The following LANCL1 variants were observed in gnomAD, a reference collection of about 807,000 sequenced individuals.
The protein encoded by LANCL1 is glutathione S-transferase LANCL1.
A neutral mutation model predicts 50.6 loss-of-function variants in LANCL1; 50 were observed. The ratio of observed to expected loss-of-function variants is 0.99; its 90% confidence interval spans 0.79 to 1.25. The LOEUF is 1.25. Ranked by LOEUF, LANCL1 falls within the 50% of genes most tolerant of loss-of-function variation. LANCL1 has a pLI of 0.00. For missense variants in LANCL1, 532 were observed against 480.7 expected (o/e 1.11, Z -1.00); for synonymous variants, 188 against 178.6 (o/e 1.05, Z -0.42).
intron 4 of LANCL1, among the ~76,000 whole-genome samples, chr2:210,452,370 C>T (rs1693536364): frequency 1.3e-5 from 2 of 152,098 alleles, no homozygotes; most frequent in African/African-American, 4.8e-5. Context: ...GGTTAGCCAT[C>T]TAATTGGGAA....
At chr2:210,475,120 A>G (rs926462280) in intron 2 of LANCL1, among the ~76,000 whole-genome samples, 2 of 152,188 alleles carry the variant, frequency 1.3e-5, no homozygotes, top group African/African-American at 4.8e-5. Context: ...TCCTACCTGC[A>G]TTACTGACCC....
chr2:210,455,133 C>T lies in LANCL1; in HGVS notation c.381G>A (p.Glu127=). 1 of 1,613,600 alleles carries T rather than the reference C, an allele frequency of 6.2e-7. No homozygotes were observed. Among genetic ancestry groups the T allele is most frequent in the Non-Finnish European group, 8.5e-7 (1 of 1,179,688 alleles). ...AAVLYHKMNN[E]KQAEDCITRL... is the part of the protein sequence containing the mutation. ...GTGTGATGCAATCTTCTGCCTGCTT[C>T]TCATTGTTCATCTTGTGATATAGCA... Residue 127 remains glutamate, a synonymous_variant, in exon 4 of 10, where the codon GAG becomes GAA. Transcript: ENST00000450366.
chr2:210,471,932 T>C (rs200470993), intron 3 of LANCL1, 27 bp downstream of exon 3: 222 of 1,474,478 alleles, frequency 1.5e-4, no homozygotes, highest in Non-Finnish European at 2.1e-4. Flanking sequence ...ACAATGCTTA[T>C]GCCAGCTCAC....
intron 3 of LANCL1, among the ~76,000 whole-genome samples, chr2:210,467,298 C>T (rs916573784): frequency 1.3e-5 from 2 of 152,258 alleles, no homozygotes; most frequent in Admixed American, 1.3e-4. Flanking sequence ...ACAGAAATTA[C>T]GATGTATTTT....
At chr2:210,455,403 T>C (rs894817568) in intron 3 of LANCL1, 89 bp from the exon 4 acceptor site, 4 of 1,057,436 alleles carry the variant, frequency 3.8e-6, no homozygotes, top group Admixed American at 2.5e-5. Flanking sequence ...CAGCGATTTT[T>C]GATAACCTGT....
At chr2:210,443,165 C>G (rs1467072137) in intron 4 of LANCL1, among the ~76,000 whole-genome samples, 1 of 152,144 alleles carries the variant, frequency 6.6e-6, no homozygotes, top group South Asian at 2.1e-4. Flanking sequence ...CAGGAACCAG[C>G]AAGTAGGGGA....
rs1352436803 is a variant in LANCL1 at position 210,431,663 on chromosome 2, AT to A, written c.*2823del. On this transcript the variant is annotated 3_prime_UTR_variant, in exon 10 of 10. Transcript: ENST00000450366. ...GCAGAGTATGTCTCTCAATTCAGTTATTTAGGAAATGTTAATAAAGAAAGTA... is the reference window on the plus strand; with the variant it reads ...GCAGAGTATGTCTCTCAATTCAGTTATTAGGAAATGTTAATAAAGAAAGTA... The A allele has an allele frequency of 6.6e-6, 1 of 152,132 alleles. No homozygotes were observed. The highest frequency in any genetic ancestry group is 2.4e-5 in the African/African-American group (1 of 41,446). 9.4% of individuals were successfully genotyped at this position (152,132 alleles called of 1,614,324 possible).
At chr2:210,461,463 G>C (rs1200253877) in intron 3 of LANCL1, among the ~76,000 whole-genome samples, 2 of 152,092 alleles carry the variant, frequency 1.3e-5, no homozygotes, top group Admixed American at 6.6e-5. Context: ...TTTCAAGTAA[G>C]TCTGGTGTCA....
intron 4 of LANCL1, 103 bp from the exon 5 acceptor site, chr2:210,441,546 G>A: frequency 1.2e-6 from 1 of 862,714 alleles, no homozygotes; most frequent in Non-Finnish European, 1.8e-6. Flanking sequence ...CACAAAATAT[G>A]TATTTATACA....
At chr2:210,439,413 T>C (rs1693049202) in intron 6 of LANCL1, among the ~76,000 whole-genome samples, 1 of 152,184 alleles carries the variant, frequency 6.6e-6, no homozygotes, top group African/African-American at 2.4e-5. Flanking sequence ...TCGATAAGGC[T>C]GTCTAATCCT....
intron 3 of LANCL1, among the ~76,000 whole-genome samples, chr2:210,456,696 T>C (rs1282191150): frequency 2.6e-5 from 4 of 152,182 alleles, no homozygotes; most frequent in African/African-American, 9.7e-5. Context: ...TCCATTTAAA[T>C]TGTTAACCTT....
chr2:210,446,663 C>T (rs1490322551), intron 4 of LANCL1, among the ~76,000 whole-genome samples: 18 of 151,680 alleles, frequency 1.2e-4, no homozygotes, highest in Admixed American at 1.1e-3. Context: ...AGAACATAAA[C>T]GACCTGATGG....
At chr2:210,446,188 C>T (rs1693322473) in intron 4 of LANCL1, among the ~76,000 whole-genome samples, 2 of 152,212 alleles carry the variant, frequency 1.3e-5, no homozygotes, top group African/African-American at 2.4e-5. Flanking sequence ...CAGCAGGGGT[C>T]GACAGACACC....
At chr2:210,447,017 C>T (rs1329176804) in intron 4 of LANCL1, among the ~76,000 whole-genome samples, 1 of 152,144 alleles carries the variant, frequency 6.6e-6, no homozygotes, top group Non-Finnish European at 1.5e-5. Context: ...AAAGATACTC[C>T]TTGAGAAGAG....
chr2:210,465,073 A>T (rs1030137479), intron 3 of LANCL1, among the ~76,000 whole-genome samples: 1 of 152,248 alleles, frequency 6.6e-6, no homozygotes, highest in African/African-American at 2.4e-5. Flanking sequence ...TAACTTCGTA[A>T]ATTAACTCCA....
At chr2:210,460,665 G>A (rs1359466899) in intron 3 of LANCL1, 1 of 152,138 alleles carries the variant, frequency 6.6e-6, no homozygotes, top group Non-Finnish European at 1.5e-5. Flanking sequence ...TTGTTACTGT[G>A]CACAGCACTC....
In LANCL1 at chr2:210,431,969, G is replaced by A. The variant is rs760421175; in HGVS notation, c.*2518C>T. 1.3e-5 allele frequency: 2 copies of A among 152,166 alleles called. No homozygotes were observed. Among genetic ancestry groups the A allele is most frequent in the Non-Finnish European group, 2.9e-5 (2 of 68,024 alleles). The allele number at this position is 152,166 out of a possible 1,614,324, so 9.4% of individuals were successfully genotyped here. A position where few individuals can be genotyped will look rare whatever the true frequency, so the allele number is the denominator to read the frequency against. On this transcript the variant is annotated 3_prime_UTR_variant, in exon 10 of 10. Coordinates refer to ENST00000450366, the MANE Select transcript of LANCL1 (RefSeq NM_006055.3). ...TTGATGACCTTTGACAACCTTTGAA[G>A]GTTTTATTACCTAGTCCCTGTATAG...
intron 4 of LANCL1, among the ~76,000 whole-genome samples, chr2:210,450,563 T>C (rs4672575): frequency 0.44 from 66,852 of 151,958 alleles, 16,452 homozygotes; most frequent in East Asian, 0.61. Flanking sequence ...ATGCAACCTA[T>C]AGAATGGGAG....
chr2:210,440,380 C>A (rs1693088908), intron 6 of LANCL1, among the ~76,000 whole-genome samples: 1 of 152,208 alleles, frequency 6.6e-6, no homozygotes, highest in Non-Finnish European at 1.5e-5. Context: ...GCAAATCAAA[C>A]ATCATTTTAA....
Sources: allele counts gnomAD v4.1 joint callset (sites outside exome capture counted in the v4.1 genomes callset), GRCh38; gene constraint gnomAD v4.1.1; transcripts MANE v1.5; gene names NCBI Gene and HGNC (gene_info 2026-07-23, HGNC 2026-07-21).